Variants in MAML3 observed in about 807,000 individuals in gnomAD.
MAML3 encodes mastermind like transcriptional coactivator 3.
A neutral mutation model predicts 101.9 loss-of-function variants in MAML3; 27 were observed. That is an observed-to-expected ratio of 0.27 (90% CI 0.20 to 0.37). The LOEUF (loss-of-function observed/expected upper bound fraction) is 0.37, where lower values mean the gene tolerates loss of function less well. Among genes scored for constraint, MAML3 ranks in the 10% least tolerant of loss-of-function variants. The pLI is 1.00. For synonymous variants in MAML3, 501 were observed against 555.9 expected (o/e 0.90, Z 1.39); for missense variants, 1,316 against 1,444.9 (o/e 0.91, Z 1.45).
intron 1 of MAML3, among the ~76,000 whole-genome samples, chr4:139,976,774 T>G (rs764154457): frequency 1.3e-5 from 2 of 152,234 alleles, no homozygotes; most frequent in Non-Finnish European, 2.9e-5. Context: ...TTTTCTGCCT[T>G]TTAAATACAT....
intron 1 of MAML3, among the ~76,000 whole-genome samples, chr4:140,008,334 C>T (rs966573806): frequency 1.3e-5 from 2 of 151,616 alleles, no homozygotes; most frequent in African/African-American, 4.9e-5. Context: ...GCAAGAAGAG[C>T]GAAACTCAGT....
chr4:139,736,107 CACACACAT>C (rs1728933511), intron 2 of MAML3, among the ~76,000 whole-genome samples: 1 of 152,136 alleles, frequency 6.6e-6, no homozygotes, highest in East Asian at 1.9e-4. Context: ...TTCAGACACA[CACACACAT>C]ACACACACAC....
At chr4:140,144,292 A>C (rs572245705) in intron 1 of MAML3, among the ~76,000 whole-genome samples, 9 of 152,280 alleles carry the variant, frequency 5.9e-5, no homozygotes, top group African/African-American at 1.9e-4. Context: ...TATGCCTGTA[A>C]TCCCAACACT....
intron 2 of MAML3, among the ~76,000 whole-genome samples, chr4:139,885,932 C>CAAAAAAAAAAAAA (rs1182443191): frequency 3.9e-4 from 8 of 20,304 alleles, no homozygotes; most frequent in African/African-American, 5.3e-4. Context: ...GACTCCGTCT[C>CAAAAAAAAAAAAA]AAAAAAAAAA....
intron 1 of MAML3, among the ~76,000 whole-genome samples, chr4:140,022,338 C>G (rs142638434): frequency 6.6e-6 from 1 of 152,040 alleles, no homozygotes; most frequent in African/African-American, 2.4e-5. Context: ...ATTGGAACAG[C>G]CTGTTCATAA....
intron 1 of MAML3, among the ~76,000 whole-genome samples, chr4:139,931,532 G>A (rs1241428676): frequency 5.3e-5 from 8 of 152,184 alleles, no homozygotes; most frequent in Non-Finnish European, 7.4e-5. Flanking sequence ...GTTCTGGATC[G>A]TATCCTCTAA....
rs199733522 is a variant in MAML3 at position 140,089,034 on chromosome 4, A to ATT, written c.468+63825_468+63826insAA. On this transcript the variant is annotated intron_variant, in intron 1 of 4. Transcript: ENST00000509479. ...ATTTAAAACATCAATGACAAGGAAG[A>ATT]TACTAATACTCAAAATACTCCCACA... 6.6e-3 allele frequency among the ~76,000 whole-genome samples: 1,009 copies of ATT among 152,302 alleles called. 9 individuals carry two copies. Among genetic ancestry groups the ATT allele is most frequent in the Non-Finnish European group, 8.5e-3 (578 of 68,022 alleles).
chr4:139,736,122 A>ACACT lies in MAML3; in HGVS notation c.2080-5459_2080-5456dup, dbSNP rs552005476. Among the ~76,000 whole-genome samples the ACACT allele has an allele frequency of 7.5e-4, 114 of 152,224 alleles. 2 individuals are homozygous for ACACT. Among genetic ancestry groups the ACACT allele is most frequent in the East Asian group, 9.6e-4 (5 of 5,186 alleles). ...TTCAGACACACACACACATACACAC[A>ACACT]CACTCACTCACTCACTCACTCTGAA... On this transcript the variant is annotated intron_variant, in intron 2 of 4. Coordinates refer to ENST00000509479, the MANE Select transcript of MAML3 (RefSeq NM_018717.5).
chr4:140,043,019 T>C (rs542583279), intron 1 of MAML3, among the ~76,000 whole-genome samples: 3 of 151,698 alleles, frequency 2.0e-5, no homozygotes, highest in Non-Finnish European at 4.4e-5. Context: ...CCAAATCTGA[T>C]TTTTTTTAAA....
Position 139,918,786 on chromosome 4 carries a change from G to A in MAML3, c.469-27819C>T, listed in dbSNP as rs569538551. 3.9e-5 allele frequency among the ~76,000 whole-genome samples: 6 copies of A among 152,122 alleles called. No homozygotes were observed. The East Asian group carries it at 7.7e-4, about 20-fold the overall frequency. On this transcript the variant is annotated intron_variant, in intron 1 of 4. Transcript: ENST00000509479. ...AGTGATTACATGAACATTTCTGTCC[G>A]GCATAGTAGGTGGGCTCTGGAGCTG...
intron 2 of MAML3, among the ~76,000 whole-genome samples, chr4:139,759,869 T>C (rs750842944): frequency 1.3e-5 from 2 of 152,250 alleles, no homozygotes; most frequent in African/African-American, 2.4e-5. Flanking sequence ...GAACATGATA[T>C]TGATTTCTTG....
intron 1 of MAML3, among the ~76,000 whole-genome samples, chr4:140,111,205 G>A (rs1295755813): frequency 3.9e-5 from 6 of 152,206 alleles, no homozygotes; most frequent in Non-Finnish European, 7.3e-5. Context: ...AAAGGCCTCT[G>A]TAACACAGCC....
At chr4:139,983,752 T>C (rs1383097480) in intron 1 of MAML3, among the ~76,000 whole-genome samples, 9 of 152,142 alleles carry the variant, frequency 5.9e-5, no homozygotes, top group African/African-American at 2.2e-4. Flanking sequence ...AGATGTAAAA[T>C]ATCATTTGGA....
At chr4:139,927,078 T>TC (rs957592939) in intron 1 of MAML3, among the ~76,000 whole-genome samples, 1 of 149,476 alleles carries the variant, frequency 6.7e-6, no homozygotes, top group Non-Finnish European at 1.5e-5. Context: ...TTTTCTTTTT[T>TC]TTTTTTTTGT....
Position 139,870,373 on chromosome 4 carries a change from T to C in MAML3, c.2079+18984A>G, listed in dbSNP as rs996526176. 1.6e-4 allele frequency among the ~76,000 whole-genome samples: 25 copies of C among 152,142 alleles called. 1 individual carries two copies. Among genetic ancestry groups the C allele is most frequent in the Admixed American group, 1.6e-3 (24 of 15,288 alleles). ...ATGTTGCCAAATGTCCAGTTGGTGA[T>C]TGGGGAACAAAACATCTGAGGTTGA... On this transcript the variant is annotated intron_variant, in intron 2 of 4. Transcript: ENST00000509479.
chr4:139,758,078 GCCTATCATA>G (rs567877698), intron 2 of MAML3, among the ~76,000 whole-genome samples: 105 of 152,288 alleles, frequency 6.9e-4, no homozygotes, highest in Non-Finnish European at 5.1e-4. Flanking sequence ...CTCTTGCAGT[GCCTATCATA>G]CAGTTAGGAC....
intron 2 of MAML3, among the ~76,000 whole-genome samples, chr4:139,868,988 C>A (rs1033959337): frequency 3.9e-5 from 6 of 152,112 alleles, no homozygotes; most frequent in Admixed American, 2.6e-4. Context: ...TTGCTGTTGA[C>A]GTTTAATTGC....
At chr4:140,084,319 T>C (rs1304806298) in intron 1 of MAML3, among the ~76,000 whole-genome samples, 1 of 152,202 alleles carries the variant, frequency 6.6e-6, no homozygotes, top group African/African-American at 2.4e-5. Flanking sequence ...CACTTAAATA[T>C]TTTATTTGTT....
chr4:139,891,574 G>A (rs569927790), intron 1 of MAML3, among the ~76,000 whole-genome samples: 40 of 152,278 alleles, frequency 2.6e-4, no homozygotes, highest in Non-Finnish European at 5.1e-4. Flanking sequence ...CACCATGAAT[G>A]CTAGACATGA....
Sources: allele counts gnomAD v4.1 joint callset (sites outside exome capture counted in the v4.1 genomes callset), GRCh38; gene constraint gnomAD v4.1.1; transcripts MANE v1.5; gene names NCBI Gene and HGNC (gene_info 2026-07-23, HGNC 2026-07-21).